The following SLIT2 variants were observed in gnomAD, a reference collection of about 807,000 sequenced individuals.
SLIT2 encodes slit guidance ligand 2, also known as slit homolog 2 protein.
Under a neutral mutation model 185.7 loss-of-function variants are expected in SLIT2, and 41 were observed. The observed-to-expected ratio is 0.22, with a 90% CI of 0.17 to 0.29. The LOEUF (loss-of-function observed/expected upper bound fraction) is 0.29, where lower values mean the gene tolerates loss of function less well. Among genes scored for constraint, SLIT2 ranks in the 10% least tolerant of loss-of-function variants. The probability of loss-of-function intolerance (pLI) is 1.00; values close to 1 mark genes in which losing one functional copy is unlikely to be tolerated. For synonymous variants in SLIT2, 693 were observed against 680.2 expected (o/e 1.02, Z -0.29); for missense variants, 1,571 against 1,909.0 (o/e 0.82, Z 3.30).
rs375819046 is a variant in SLIT2, at chr4:20,270,890, A to C, written c.395+2009A>C. ...GTTAAGGAACTGTTGCTTCATCTGA[A>C]TTAGACTTAGGTGAATTGTTGAGTG... On this transcript the variant is annotated intron_variant, in intron 4 of 36. Transcript: ENST00000504154. Among the ~76,000 whole-genome samples, 7 of 152,106 alleles carry C rather than the reference A, an allele frequency of 4.6e-5. No individual in the cohort carries two copies. In the South Asian group the frequency reaches 1.5e-3, roughly 32 times the overall value.
rs989075544 is a variant in SLIT2, at chr4:20,607,837, C to A, written c.3693-2176C>A. ...ATTAAGGTTGATGTTGATAGGACAT[C>A]CATATAAAACTACTTGGAAAGCTGT... On this transcript the variant is annotated intron_variant, in intron 33 of 36. Transcript: ENST00000504154. Among the ~76,000 whole-genome samples, 10 of 152,164 alleles carry A rather than the reference C, an allele frequency of 6.6e-5. No individual in the cohort carries two copies. In the South Asian group the frequency reaches 2.1e-3, roughly 32 times the overall value.
chr4:20,492,559 T>A (rs565619442), intron 9 of SLIT2, among the ~76,000 whole-genome samples: 81 of 152,326 alleles, frequency 5.3e-4, no homozygotes, highest in African/African-American at 1.9e-3. Context: ...ACATAAGATG[T>A]AAAATGGAAT....
At position 20,429,643 on chromosome 4, in the gene SLIT2, G is replaced by A. The variant is rs552007668; in HGVS notation, c.396-38109G>A. Among the ~76,000 whole-genome samples the A allele has an allele frequency of 5.3e-4, 80 of 152,302 alleles. No individual in the cohort carries two copies. The South Asian group carries it at 0.014, about 28-fold the overall frequency. On this transcript the variant is annotated intron_variant, in intron 4 of 36. Coordinates refer to ENST00000504154, the MANE Select transcript of SLIT2 (RefSeq NM_004787.4). ...GGAAAAGGGGAGAGCTATTTCAGAT[G>A]GGAGGATCAGAGACAGCCTCTTTGA...
intron 5 of SLIT2, among the ~76,000 whole-genome samples, chr4:20,470,484 C>CTGTGTGTGTGTGTGTGTG (rs540814034): frequency 3.1e-5 from 4 of 129,216 alleles, no homozygotes; most frequent in South Asian, 2.8e-4. Flanking sequence ...GCAGTGGAGT[C>CTGTGTGTGTGTGTGTGTG]TGTGTGTGTG....
chr4:20,291,461 TATATATATATATATATATATATATATATA>T (rs1715814284), intron 4 of SLIT2, among the ~76,000 whole-genome samples: 1 of 29,896 alleles, frequency 3.3e-5, no homozygotes, highest in African/African-American at 1.6e-4. Context: ...TATATATATA[TATATATATATATATATATATATATATATA>T]TATTTTTTTT....
intron 10 of SLIT2, 52 bp from the exon 11 acceptor site, chr4:20,510,994 TACATAGCTTTTTCCGCAGTA>T: frequency 1.1e-6 from 1 of 940,166 alleles, no homozygotes; most frequent in Non-Finnish European, 1.8e-6. Flanking sequence ...TTAAAAGCCA[TACATAGCTTTTTCCGCAGTA>T]AATCTCACTG....
intron 4 of SLIT2, among the ~76,000 whole-genome samples, chr4:20,364,498 A>G (rs957407685): frequency 6.6e-6 from 1 of 152,106 alleles, no homozygotes; most frequent in Non-Finnish European, 1.5e-5. Flanking sequence ...ATACTCTAAT[A>G]GTTTGTTTTC....
chr4:20,406,729 A>G (rs1254670468), intron 4 of SLIT2, among the ~76,000 whole-genome samples: 1 of 144,514 alleles, frequency 6.9e-6, no homozygotes, highest in Non-Finnish European at 1.5e-5. Context: ...AATCAGTACA[A>G]TTAGTATGGA....
chr4:20,261,198 A>G (rs998852132), intron 3 of SLIT2, among the ~76,000 whole-genome samples: 1 of 151,818 alleles, frequency 6.6e-6, no homozygotes, highest in African/African-American at 2.4e-5. Context: ...TGTGCCTTAT[A>G]TAGACTGTAT....
At chr4:20,425,645 G>A (rs944815987) in intron 4 of SLIT2, among the ~76,000 whole-genome samples, 9 of 152,034 alleles carry the variant, frequency 5.9e-5, no homozygotes, top group Admixed American at 1.3e-4. Context: ...CCATAAATCC[G>A]TTTGTAAAGG....
chr4:20,549,158 CT>C lies in SLIT2; in HGVS notation c.2489+34del, dbSNP rs766046800. ...GCATCTTGTGTTCAACAGAATATCT[CT>C]TTTCTCAGAGATCTGAGTTTGGGGT... On this transcript the variant is annotated intron_variant, in intron 24 of 36. Transcript: ENST00000504154. 2.9e-6 allele frequency: 4 copies of C among 1,359,602 alleles called. No individual in the cohort carries two copies. In the South Asian group the frequency reaches 4.8e-5, roughly 16 times the overall value. The allele number at this position is 1,359,602 out of a possible 1,614,324, so 84.2% of individuals were successfully genotyped here.
At chr4:20,284,924 A>G (rs1268353471) in intron 4 of SLIT2, among the ~76,000 whole-genome samples, 2 of 152,258 alleles carry the variant, frequency 1.3e-5, no homozygotes, top group African/African-American at 2.4e-5. Context: ...GTGTCTTTAC[A>G]TAGGTTTCTA....
intron 4 of SLIT2, among the ~76,000 whole-genome samples, chr4:20,416,712 A>G (rs1286749321): frequency 6.6e-6 from 1 of 152,230 alleles, no homozygotes; most frequent in Non-Finnish European, 1.5e-5. Flanking sequence ...AAAGTCGAAC[A>G]GAAGCTTGAA....
chr4:20,479,244 T>A (rs1242363924), intron 5 of SLIT2, among the ~76,000 whole-genome samples: 5 of 152,188 alleles, frequency 3.3e-5, no homozygotes, highest in African/African-American at 9.7e-5. Flanking sequence ...ATTGTCTATA[T>A]ACATAATTTC....
At chr4:20,472,620 C>CTA (rs1491494088) in intron 5 of SLIT2, among the ~76,000 whole-genome samples, 2 of 18,654 alleles carry the variant, frequency 1.1e-4, no homozygotes, top group African/African-American at 4.7e-4. Flanking sequence ...CTATATATAT[C>CTA]GATATATCTA....
chr4:20,282,481 C>T (rs889723815), intron 4 of SLIT2, among the ~76,000 whole-genome samples: 3 of 152,076 alleles, frequency 2.0e-5, no homozygotes, highest in East Asian at 1.9e-4. Flanking sequence ...TTCTTATCTT[C>T]AATTCTCAAG....
intron 4 of SLIT2, among the ~76,000 whole-genome samples, chr4:20,382,590 T>C (rs764593541): frequency 1.3e-5 from 2 of 152,064 alleles, no homozygotes; most frequent in African/African-American, 2.4e-5. Context: ...TATATACACA[T>C]AAATGTAATA....
At chr4:20,572,662 T>G (rs1049874435) in intron 29 of SLIT2, among the ~76,000 whole-genome samples, 1 of 152,274 alleles carries the variant, frequency 6.6e-6, no homozygotes, top group Non-Finnish European at 1.5e-5. Flanking sequence ...TTCAAAAATG[T>G]GCTTTTGTAT....
chr4:20,276,570 CTTGAT>C (rs1174848451), intron 4 of SLIT2, among the ~76,000 whole-genome samples: 2 of 146,496 alleles, frequency 1.4e-5, no homozygotes, highest in Non-Finnish European at 3.0e-5. Flanking sequence ...AGTATGGCAA[CTTGAT>C]TTAAGTGTTA....
Sources: allele counts gnomAD v4.1 joint callset (sites outside exome capture counted in the v4.1 genomes callset), GRCh38; gene constraint gnomAD v4.1.1; transcripts MANE v1.5; gene names NCBI Gene and HGNC (gene_info 2026-07-23, HGNC 2026-07-21).